GPM6A: variants seen among roughly 807,000 people sequenced by gnomAD.
GPM6A encodes the protein glycoprotein M6A.
In GPM6A, 7 loss-of-function variants were observed where a neutral mutation model predicts 32.1. That is an observed-to-expected ratio of 0.22 (90% CI 0.12 to 0.41). The LOEUF (loss-of-function observed/expected upper bound fraction) is 0.41. GPM6A is among the 10% of genes least tolerant of loss of function. The pLI, the probability that GPM6A is intolerant of heterozygous loss-of-function variation, is 1.00. For synonymous variants in GPM6A, 130 were observed against 123.4 expected (o/e 1.05, Z -0.35); for missense variants, 235 against 347.2 (o/e 0.68, Z 2.57).
chr4:175,911,077 T>C (rs1306779026), intron 1 of GPM6A, among the ~76,000 whole-genome samples: 1 of 152,020 alleles, frequency 6.6e-6, no homozygotes, highest in Non-Finnish European at 1.5e-5. Context: ...GGTGGTGAAA[T>C]AACCTCCCAA....
chr4:175,949,453 C>T (rs1436260931), intron 1 of GPM6A, among the ~76,000 whole-genome samples: 1 of 152,144 alleles, frequency 6.6e-6, no homozygotes, highest in African/African-American at 2.4e-5. Context: ...ACCTTAACCA[C>T]AACACCTGAC....
intron 1 of GPM6A, among the ~76,000 whole-genome samples, chr4:175,799,291 A>C (rs542100764): frequency 1.3e-5 from 2 of 152,192 alleles, no homozygotes; most frequent in Admixed American, 6.5e-5. Flanking sequence ...TTTTGGCCAA[A>C]AAATACATGC....
intron 1 of GPM6A, among the ~76,000 whole-genome samples, chr4:175,964,892 T>C (rs145408905): frequency 3.9e-5 from 6 of 152,300 alleles, no homozygotes; most frequent in Non-Finnish European, 8.8e-5. Flanking sequence ...CAATCCTTAA[T>C]AAGCATGTAC....
chr4:175,743,203 G>A (rs934540113), intron 1 of GPM6A, among the ~76,000 whole-genome samples: 1 of 135,974 alleles, frequency 7.4e-6, no homozygotes. Context: ...AAAAAAAAAA[G>A]TATGTGGTTC....
intron 1 of GPM6A, among the ~76,000 whole-genome samples, chr4:175,722,463 C>T (rs1003269309): frequency 6.6e-6 from 1 of 152,138 alleles, no homozygotes; most frequent in African/African-American, 2.4e-5. Flanking sequence ...ATCTTAAGCT[C>T]CCGCAGTAAG....
intron 1 of GPM6A, among the ~76,000 whole-genome samples, chr4:175,791,991 T>G (rs1560935233): frequency 6.6e-6 from 1 of 152,182 alleles, no homozygotes; most frequent in Non-Finnish European, 1.5e-5. Context: ...ACCTGAGCAG[T>G]CCTCATAAGC....
chr4:175,702,670 G>A (rs774298493), intron 1 of GPM6A, among the ~76,000 whole-genome samples: 11 of 152,002 alleles, frequency 7.2e-5, no homozygotes, highest in Non-Finnish European at 1.6e-4. Context: ...ACACACCTCC[G>A]TGCCCCATTA....
intron 6 of GPM6A, among the ~76,000 whole-genome samples, chr4:175,638,472 T>C (rs1369282982): frequency 1.3e-5 from 2 of 152,092 alleles, no homozygotes; most frequent in African/African-American, 4.8e-5. Context: ...TTAAATAAAA[T>C]GTACGTATAG....
chr4:175,687,361 T>C (rs1451876656), intron 2 of GPM6A, among the ~76,000 whole-genome samples: 2 of 152,090 alleles, frequency 1.3e-5, no homozygotes, highest in Non-Finnish European at 2.9e-5. Context: ...ACAACCACCA[T>C]TCTATCTTCT....
At chr4:175,882,196 G>A (rs930065363) in intron 1 of GPM6A, among the ~76,000 whole-genome samples, 1 of 151,922 alleles carries the variant, frequency 6.6e-6, no homozygotes, top group African/African-American at 2.4e-5. Context: ...CATTGTGCCT[G>A]AGGTAGCGTG....
intron 2 of GPM6A, among the ~76,000 whole-genome samples, chr4:175,683,214 G>A (rs1743784862): frequency 1.3e-5 from 2 of 152,192 alleles, no homozygotes; most frequent in South Asian, 2.1e-4. Context: ...CTGCCCTGCT[G>A]TATTTTGAAC....
intron 1 of GPM6A, among the ~76,000 whole-genome samples, chr4:175,706,322 T>C (rs765726626): frequency 2.4e-4 from 36 of 152,228 alleles, no homozygotes; most frequent in Non-Finnish European, 4.9e-4. Context: ...TTAAACATTG[T>C]GAAGTCAAAT....
At chr4:175,923,869 T>C (rs1445760173) in intron 1 of GPM6A, among the ~76,000 whole-genome samples, 1 of 152,130 alleles carries the variant, frequency 6.6e-6, no homozygotes, top group Non-Finnish European at 1.5e-5. Flanking sequence ...TTTCTGCTTT[T>C]GAATCAAGTC....
At chr4:175,864,963 C>A (rs1736685559) in intron 1 of GPM6A, among the ~76,000 whole-genome samples, 1 of 152,028 alleles carries the variant, frequency 6.6e-6, no homozygotes, top group East Asian at 1.9e-4. Flanking sequence ...AGGCACACCA[C>A]TACCACCGGG....
chr4:175,695,262 G>A (rs1363931821), intron 2 of GPM6A, among the ~76,000 whole-genome samples: 1 of 152,182 alleles, frequency 6.6e-6, no homozygotes, highest in Non-Finnish European at 1.5e-5. Flanking sequence ...AGCTAGTAGA[G>A]CTGTGAAAGA....
intron 1 of GPM6A, among the ~76,000 whole-genome samples, chr4:175,754,047 G>T (rs940799010): frequency 6.6e-6 from 1 of 152,072 alleles, no homozygotes; most frequent in Non-Finnish European, 1.5e-5. Context: ...CAATTCACTT[G>T]TTCCTAATTC....
intron 1 of GPM6A, among the ~76,000 whole-genome samples, chr4:175,842,026 T>C (rs1735952388): frequency 1.3e-5 from 2 of 152,168 alleles, no homozygotes. Flanking sequence ...ATCACTATTA[T>C]TTAATGATGT....
At chr4:175,832,135 G>GA (rs1735636437) in intron 1 of GPM6A, among the ~76,000 whole-genome samples, 1 of 105,936 alleles carries the variant, frequency 9.4e-6, no homozygotes, top group Admixed American at 9.9e-5. Flanking sequence ...TGGCTCTTTG[G>GA]TTCTTAAAAT....
intron 1 of GPM6A, among the ~76,000 whole-genome samples, chr4:175,834,724 A>G (rs1376637463): frequency 6.6e-6 from 1 of 152,188 alleles, no homozygotes; most frequent in African/African-American, 2.4e-5. Context: ...ATTATAACCA[A>G]TCTTCCAAGT....
Sources: allele counts gnomAD v4.1 joint callset (sites outside exome capture counted in the v4.1 genomes callset), GRCh38; gene constraint gnomAD v4.1.1; transcripts MANE v1.5; gene names NCBI Gene and HGNC (gene_info 2026-07-23, HGNC 2026-07-21).